C9: variants seen among roughly 807,000 people sequenced by gnomAD.
The protein encoded by C9 is complement C9, also known as complement component C9.
C9 carries 63 observed loss-of-function variants against 65.4 expected under a neutral mutation model. That is an observed-to-expected ratio of 0.96 (90% CI 0.79 to 1.19). C9 has a LOEUF of 1.19. Ranked by LOEUF, C9 falls within the 50% of genes most tolerant of loss-of-function variation. The pLI is 0.00. For missense variants in C9, 744 were observed against 670.1 expected (o/e 1.11, Z -1.22); for synonymous variants, 229 against 227.9 (o/e 1.00, Z -0.04).
In C9 at chr5:39,303,399, A is replaced by G. The variant is rs1218509090; in HGVS notation, c.1416+3218T>C. 2.6e-5 allele frequency among the ~76,000 whole-genome samples: 4 copies of G among 152,082 alleles called. No individual in the cohort carries two copies. The East Asian group carries it at 7.7e-4, about 29-fold the overall frequency. ...CTCAAGAAGTGGTTTTGGGTTTGAC[A>G]AAGCAGACAAATGGGGCCTCAAAAC... On this transcript the variant is annotated intron_variant, in intron 9 of 10. Coordinates refer to ENST00000263408, the MANE Select transcript of C9 (RefSeq NM_001737.5).
intron 1 of C9, among the ~76,000 whole-genome samples, chr5:39,343,570 C>CCTCTGTAGAGT (rs1754132092): frequency 6.6e-6 from 1 of 152,212 alleles, no homozygotes; most frequent in Admixed American, 6.5e-5. Context: ...AGGAGGCCTG[C>CCTCTGTAGAGT]CTGCCTCTGT....
chr5:39,339,771 T>A (rs975227417), intron 4 of C9, among the ~76,000 whole-genome samples: 1 of 147,524 alleles, frequency 6.8e-6, no homozygotes, highest in Admixed American at 6.9e-5. Flanking sequence ...ACCATTCTCC[T>A]GCCTCAGCCT....
intron 9 of C9, among the ~76,000 whole-genome samples, chr5:39,299,775 G>A (rs1414303808): frequency 6.6e-6 from 1 of 151,826 alleles, no homozygotes; most frequent in Non-Finnish European, 1.5e-5. Flanking sequence ...TGGAAACCTA[G>A]GGCCCTTTAC....
At chr5:39,338,589 A>G (rs1295358468) in intron 4 of C9, among the ~76,000 whole-genome samples, 1 of 152,260 alleles carries the variant, frequency 6.6e-6, no homozygotes, top group African/African-American at 2.4e-5. Context: ...CATGAAGACT[A>G]AATTTAACAT....
In C9 at chr5:39,337,586, T is replaced by C. The variant is rs535455408; in HGVS notation, c.476+3560A>G. Reference sequence around the variant, plus strand: ...CACCTGCATCTAGAACCACGGGCAGTTCCAATTTACCAGGTGAACTGAAGA... The same window carrying C: ...CACCTGCATCTAGAACCACGGGCAGCTCCAATTTACCAGGTGAACTGAAGA... On this transcript the variant is annotated intron_variant, in intron 4 of 10. Transcript: ENST00000263408. Among the ~76,000 whole-genome samples the C allele has an allele frequency of 2.6e-5, 4 of 152,382 alleles. No individual in the cohort carries two copies. The East Asian group carries it at 7.7e-4, about 29-fold the overall frequency.
rs563597068 is a variant in C9 at position 39,310,607 on chromosome 5, T to C, written c.1111+530A>G. ...CATGAGCCCAATTCAACCACCACCA[T>C]ATAATGAGAAGTGTCATCACATGAG... On this transcript the variant is annotated intron_variant, in intron 7 of 10. Transcript: ENST00000263408. 9.6e-4 allele frequency among the ~76,000 whole-genome samples: 146 copies of C among 152,136 alleles called. 3 individuals are homozygous for C. The highest frequency in any genetic ancestry group is 3.3e-3 in the African/African-American group (139 of 41,530).
chr5:39,286,955 A>C (rs574524260), intron 10 of C9, among the ~76,000 whole-genome samples: 1 of 152,104 alleles, frequency 6.6e-6, no homozygotes, highest in South Asian at 2.1e-4. Flanking sequence ...GAGGCTGTGA[A>C]CTTTGGCTAC....
At chr5:39,326,220 A>G (rs1660168311) in intron 5 of C9, among the ~76,000 whole-genome samples, 1 of 152,220 alleles carries the variant, frequency 6.6e-6, no homozygotes, top group Admixed American at 6.5e-5. Flanking sequence ...AAATGTAACT[A>G]AGTTGCCTAA....
chr5:39,316,817 T>C (rs1753577233), intron 5 of C9, among the ~76,000 whole-genome samples: 1 of 152,220 alleles, frequency 6.6e-6, no homozygotes, highest in African/African-American at 2.4e-5. Context: ...TATGCATGCA[T>C]GTATCTTTAT....
At chr5:39,300,565 A>C (rs1299448902) in intron 9 of C9, among the ~76,000 whole-genome samples, 1 of 152,178 alleles carries the variant, frequency 6.6e-6, no homozygotes, top group East Asian at 1.9e-4. Flanking sequence ...TGCTATGTGC[A>C]TACCAACAGA....
At chr5:39,352,232 A>G (rs920519188) in intron 1 of C9, among the ~76,000 whole-genome samples, 1 of 152,160 alleles carries the variant, frequency 6.6e-6, no homozygotes, top group African/African-American at 2.4e-5. Context: ...ATCACCTTTC[A>G]CTATGCCTGT....
At chr5:39,321,579 A>T (rs1753668629) in intron 5 of C9, among the ~76,000 whole-genome samples, 1 of 152,058 alleles carries the variant, frequency 6.6e-6, no homozygotes, top group Admixed American at 6.6e-5. Flanking sequence ...TTACCTACCG[A>T]TAATTATCTT....
In C9 at chr5:39,285,253, A is replaced by G. The variant is rs1444006330; in HGVS notation, c.1646-20T>C. On this transcript the variant is annotated intron_variant, in intron 10 of 10. Coordinates refer to ENST00000263408, the MANE Select transcript of C9 (RefSeq NM_001737.5). ...GCAATCCTAGAGAAAACAAATAAGT[A>G]TCAAATCTTAATCATCAATAGGATT... 3 of 1,604,854 alleles carry G rather than the reference A, an allele frequency of 1.9e-6. No individual in the cohort carries two copies. The highest frequency in any genetic ancestry group is 3.3e-5 in the Admixed American group (2 of 59,886).
At chr5:39,329,280 G>A (rs535007117) in intron 5 of C9, among the ~76,000 whole-genome samples, 52 of 152,160 alleles carry the variant, frequency 3.4e-4, no homozygotes, top group African/African-American at 1.3e-3. Flanking sequence ...CCTAGCTTTG[G>A]CTAAGTCTTT....
rs565596377 is a variant in C9 at position 39,345,441 on chromosome 5, G to A, written c.78-3245C>T. ...GAGACAAAGAAGGCCATTACATAACGGTAAAGGGAGCAATTCAACAAGAAG... is the reference window on the plus strand; with the variant it reads ...GAGACAAAGAAGGCCATTACATAACAGTAAAGGGAGCAATTCAACAAGAAG... On this transcript the variant is annotated intron_variant, in intron 1 of 10. Transcript: ENST00000263408. 5.3e-5 allele frequency among the ~76,000 whole-genome samples: 8 copies of A among 152,232 alleles called. No homozygotes were observed. The South Asian group carries it at 1.0e-3, about 20-fold the overall frequency.
At chr5:39,315,148 T>G (rs895841287) in intron 6 of C9, among the ~76,000 whole-genome samples, 2 of 152,152 alleles carry the variant, frequency 1.3e-5, no homozygotes, top group African/African-American at 4.8e-5. Flanking sequence ...ATTGTTAATG[T>G]GGGAGAAGCT....
chr5:39,333,685 C>A lies in C9; in HGVS notation c.477-1871G>T, dbSNP rs186515534. ...GAGCGGCAGCTGGACTGTACTGCCG[C>A]CATCTTGGCTCACTGCAGCCTCCCT... On this transcript the variant is annotated intron_variant, in intron 4 of 10. Transcript: ENST00000263408. Among the ~76,000 whole-genome samples, 386 of 152,266 alleles carry A rather than the reference C, an allele frequency of 2.5e-3. 1 individual carries two copies. The highest frequency in any genetic ancestry group is 8.9e-3 in the African/African-American group (369 of 41,570).
chr5:39,360,774 C>A (rs967249876), intron 1 of C9, among the ~76,000 whole-genome samples: 7 of 151,724 alleles, frequency 4.6e-5, no homozygotes, highest in Admixed American at 4.6e-4. Context: ...ATGAAGTTGA[C>A]AAATATCAAA....
At position 39,288,864 on chromosome 5, in the gene C9, T is replaced by C. The variant is rs766593954; in HGVS notation, c.1504A>G (p.Ile502Val). The C allele has an allele frequency of 2.5e-6, 4 of 1,609,014 alleles. No individual in the cohort carries two copies. The South Asian group carries it at 3.3e-5, about 13-fold the overall frequency. ...QNLERAIEDY[I>V]NEFSVRKCHT... ...CATTTTCTTACACTAAATTCATTGA[T>C]ATAGTCTTCAATGGCTCTTTCCAAG... Residue 502 changes from isoleucine to valine, a missense_variant, in exon 10 of 11, where the codon ATC becomes GTC. Transcript: ENST00000263408.
Sources: gnomAD v4.1 joint callset for allele counts (sites outside exome capture counted in the v4.1 genomes callset) on GRCh38, gnomAD v4.1.1 for gene constraint, MANE v1.5 for transcripts, NCBI Gene and HGNC (gene_info 2026-07-23, HGNC 2026-07-21) for gene names.